The following WWOX variants were observed in gnomAD, a reference collection of about 807,000 sequenced individuals.
The protein encoded by WWOX is WW domain-containing oxidoreductase.
WWOX carries 69 observed loss-of-function variants against 46.2 expected under a neutral mutation model. That is an observed-to-expected ratio of 1.49 (90% CI 1.23 to 1.82). The LOEUF is 1.82. Ranked by LOEUF, WWOX falls within the 40% of genes most tolerant of loss-of-function variation. WWOX has a pLI of 0.00. For synonymous variants in WWOX, 359 were observed against 202.6 expected, an observed-to-expected ratio of 1.77 and a Z score of -6.56; for missense variants, 919 against 542.6, an observed-to-expected ratio of 1.69 and a Z score of -6.89.
chr16:78,147,940 CTTTGGA>C (rs1460916480), intron 4 of WWOX, among the ~76,000 whole-genome samples: 1 of 151,712 alleles, frequency 6.6e-6, no homozygotes, highest in Non-Finnish European at 1.5e-5. Context: ...AACGGGGTCT[CTTTGGA>C]TGAGTGTGTG....
At chr16:79,140,885 GC>G (rs753455455) in intron 8 of WWOX, among the ~76,000 whole-genome samples, 7 of 152,150 alleles carry the variant, frequency 4.6e-5, no homozygotes, top group Non-Finnish European at 1.0e-4. Context: ...CCTCTGTTCT[GC>G]ATGTCTCTGT....
intron 5 of WWOX, among the ~76,000 whole-genome samples, chr16:78,301,358 C>T (rs539361321): frequency 6.6e-6 from 1 of 152,070 alleles, no homozygotes; most frequent in African/African-American, 2.4e-5. Flanking sequence ...AGGGAAGGCT[C>T]CTTTCTGGAT....
intron 8 of WWOX, among the ~76,000 whole-genome samples, chr16:78,663,449 C>A (rs1294469910): frequency 2.0e-5 from 3 of 152,142 alleles, no homozygotes; most frequent in Admixed American, 1.3e-4. Flanking sequence ...CACTTTCTGG[C>A]TATTATGAAT....
At chr16:78,126,385 C>G (rs2033362865) in intron 4 of WWOX, among the ~76,000 whole-genome samples, 1 of 152,300 alleles carries the variant, frequency 6.6e-6, no homozygotes, top group Admixed American at 6.5e-5. Flanking sequence ...CCTTGCCAAA[C>G]TTGAGAATTA....
Position 78,425,123 on chromosome 16 carries a change from C to G in WWOX, c.791+68C>G, listed in dbSNP as rs7202218. On this transcript the variant is annotated intron_variant, in intron 7 of 8. Transcript: ENST00000566780. ...TACCAGCTAATATTCCCCCAAGGCT[C>G]TCATTCTGAAAATAATTTTCATTAG... is the stretch of plus-strand genomic sequence containing the variant. 13,488 of 1,596,744 alleles carry G rather than the reference C, an allele frequency of 8.4e-3. 944 individuals carry two copies. The African/African-American group carries it at 0.16, about 19-fold the overall frequency.
At chr16:79,180,196 C>G (rs1427522553) in intron 8 of WWOX, among the ~76,000 whole-genome samples, 2 of 152,070 alleles carry the variant, frequency 1.3e-5, no homozygotes, top group Non-Finnish European at 2.9e-5. Flanking sequence ...TAGTTCCAGA[C>G]AAAGAAGGAG....
intron 6 of WWOX, among the ~76,000 whole-genome samples, chr16:78,397,932 A>AT (rs2082325765): frequency 6.6e-6 from 1 of 152,160 alleles, no homozygotes; most frequent in South Asian, 2.1e-4. Context: ...TACTCAGACT[A>AT]TTTTCCAACC....
chr16:78,466,310 C>T (rs1049547960), intron 8 of WWOX, among the ~76,000 whole-genome samples: 2 of 151,882 alleles, frequency 1.3e-5, no homozygotes, highest in South Asian at 4.2e-4. Context: ...GGATTACAGG[C>T]GTGAGCCATT....
At chr16:78,544,713 A>G (rs978059752) in intron 8 of WWOX, among the ~76,000 whole-genome samples, 6 of 151,120 alleles carry the variant, frequency 4.0e-5, no homozygotes, top group Non-Finnish European at 8.8e-5. Flanking sequence ...CATCTCTACA[A>G]AAAATTTAAA....
At chr16:78,560,038 C>G (rs930946771) in intron 8 of WWOX, among the ~76,000 whole-genome samples, 6 of 152,140 alleles carry the variant, frequency 3.9e-5, no homozygotes, top group Admixed American at 1.3e-4. Context: ...AGGCTGTTGT[C>G]TTTTTTAGTG....
chr16:78,879,960 T>G (rs1201748241), intron 8 of WWOX, among the ~76,000 whole-genome samples: 1 of 152,140 alleles, frequency 6.6e-6, no homozygotes, highest in Non-Finnish European at 1.5e-5. Flanking sequence ...AGTTTAAGCC[T>G]CACATTTTTC....
At position 78,115,125 on chromosome 16, in the gene WWOX, T is replaced by C. The variant is rs1253985777; in HGVS notation, c.380T>C (p.Val127Ala). ...GGCCGGGATTTCACTGGCAAAGTGG[T>C]TGTGGTCACTGGAGCTAATTCAGGA... ...LQGRDFTGKV[V>A]VVTGANSGIG... Residue 127 changes from valine (V) to alanine (A), a missense_variant, in exon 4 of 9, where the codon GTT (valine) becomes GCT (alanine). Physicochemically the swap from Val to Ala is moderately conservative, Grantham distance 64. Transcript: ENST00000566780. The C allele has an allele frequency of 4.3e-6, 7 of 1,614,078 alleles. No homozygotes were observed. The South Asian group carries it at 7.7e-5, about 18-fold the overall frequency.
At chr16:78,295,694 GAGAA>G (rs1477599423) in intron 5 of WWOX, among the ~76,000 whole-genome samples, 1 of 151,230 alleles carries the variant, frequency 6.6e-6, no homozygotes, top group Non-Finnish European at 1.5e-5. Context: ...CTGGGTGGCT[GAGAA>G]AGACTCAGTC....
rs538725699 is a variant in WWOX at position 78,391,572 on chromosome 16, G to A, written c.605+4624G>A. Among the ~76,000 whole-genome samples, 8 of 152,314 alleles carry A rather than the reference G, an allele frequency of 5.3e-5. No individual in the cohort carries two copies. The East Asian group carries it at 1.4e-3, about 26-fold the overall frequency. ...CCGAGTAAGAAATGACTCTGGCCAG[G>A]CACGGTGGCTCACACATGTAATCCC... is the stretch of plus-strand genomic sequence containing the variant. On this transcript the variant is annotated intron_variant, in intron 6 of 8. Coordinates refer to ENST00000566780, the MANE Select transcript of WWOX (RefSeq NM_016373.4).
At chr16:78,408,312 T>G (rs1597183957) in intron 6 of WWOX, among the ~76,000 whole-genome samples, 1 of 152,306 alleles carries the variant, frequency 6.6e-6, no homozygotes, top group East Asian at 1.9e-4. Flanking sequence ...TAACCTTCTG[T>G]GCATGCTCAC....
At chr16:78,784,668 A>T (rs1370612019) in intron 8 of WWOX, among the ~76,000 whole-genome samples, 1 of 152,208 alleles carries the variant, frequency 6.6e-6, no homozygotes, top group Non-Finnish European at 1.5e-5. Context: ...GCTCACAGTC[A>T]GTGTCAGTGG....
rs190094501 is a variant in WWOX, at chr16:78,410,999, A to G, written c.606-13871A>G. ...TGCCATGTGGGCCTCTTCATGGGGC[A>G]GTTGATAACACAGCAGTTAGCTTCC... On this transcript the variant is annotated intron_variant, in intron 6 of 8. Coordinates refer to ENST00000566780, the MANE Select transcript of WWOX (RefSeq NM_016373.4). Among the ~76,000 whole-genome samples the G allele has an allele frequency of 9.1e-3, 1,393 of 152,246 alleles. 12 individuals are homozygous for G. The highest frequency in any genetic ancestry group is 0.015 in the South Asian group (74 of 4,816).
At chr16:78,794,254 A>C (rs2050681669) in intron 8 of WWOX, among the ~76,000 whole-genome samples, 1 of 152,184 alleles carries the variant, frequency 6.6e-6, no homozygotes, top group Non-Finnish European at 1.5e-5. Flanking sequence ...CCAGACATTG[A>C]ATTTGCTGCT....
chr16:78,827,884 T>G (rs1306667452), intron 8 of WWOX, among the ~76,000 whole-genome samples: 1 of 152,074 alleles, frequency 6.6e-6, no homozygotes, highest in Admixed American at 6.6e-5. Flanking sequence ...CAGCCAGTGT[T>G]GTTATCTCAG....
Sources: gnomAD v4.1 joint callset for allele counts (sites outside exome capture counted in the v4.1 genomes callset) on GRCh38, gnomAD v4.1.1 for gene constraint, MANE v1.5 for transcripts, NCBI Gene and HGNC (gene_info 2026-07-23, HGNC 2026-07-21) for gene names.